ELP1: variants seen among roughly 807,000 people sequenced by gnomAD.
ELP1 encodes elongator complex protein 1.
Under a neutral mutation model 183.2 loss-of-function variants are expected in ELP1, and 131 were observed. The observed-to-expected ratio is 0.72, with a 90% CI of 0.62 to 0.83. ELP1 has a LOEUF of 0.83. Among genes scored for constraint, ELP1 ranks in the 40% least tolerant of loss-of-function variants. ELP1 has a pLI of 0.00. For missense variants in ELP1, 1,550 were observed against 1,594.9 expected, an observed-to-expected ratio of 0.97 and a Z score of 0.48; for synonymous variants, 555 against 569.0, an observed-to-expected ratio of 0.98 and a Z score of 0.35.
intron 6 of ELP1, among the ~76,000 whole-genome samples, chr9:108,920,358 C>T (rs141666387): frequency 6.6e-6 from 1 of 151,308 alleles, no homozygotes; most frequent in Non-Finnish European, 1.5e-5. Context: ...CTTGGCTCAC[C>T]GCAACCTCTG....
chr9:108,906,129 C>A (rs1158733028), intron 14 of ELP1, among the ~76,000 whole-genome samples, 174 bp downstream of exon 14: 1 of 152,166 alleles, frequency 6.6e-6, no homozygotes, highest in African/African-American at 2.4e-5. Flanking sequence ...TATTTTTGGT[C>A]TGTTATTTTG....
At chr9:108,927,878 C>T (rs1410308165) in intron 3 of ELP1, among the ~76,000 whole-genome samples, 2 of 151,954 alleles carry the variant, frequency 1.3e-5, no homozygotes, top group African/African-American at 4.8e-5. Flanking sequence ...AGGATGGTTA[C>T]CAGAGGCTGG....
chr9:108,901,424 C>A lies in ELP1; in HGVS notation c.2014+1G>T. The A allele has an allele frequency of 6.2e-7, 1 of 1,600,182 alleles. No individual in the cohort carries two copies. The highest frequency in any genetic ancestry group is 8.6e-7 in the Non-Finnish European group (1 of 1,167,294). Reference sequence around the variant, plus strand: ...TTCTGTTTTATACATTGAAAACTTACTTTTAAATGAAGCATCCCTCAGGCA... The same window carrying A: ...TTCTGTTTTATACATTGAAAACTTAATTTTAAATGAAGCATCCCTCAGGCA... On this transcript the variant is annotated splice_donor_variant, in intron 18 of 36. Transcript: ENST00000374647. LOFTEE classifies it high-confidence loss of function.
At chr9:108,874,105 T>A (rs1028307995) in intron 36 of ELP1, among the ~76,000 whole-genome samples, 1 of 152,168 alleles carries the variant, frequency 6.6e-6, no homozygotes, top group Non-Finnish European at 1.5e-5. Context: ...GCTATTACAG[T>A]GTAGCACTTC....
chr9:108,930,013 A>G lies in ELP1; in HGVS notation c.151-92T>C, dbSNP rs562858841. On this transcript the variant is annotated intron_variant, in intron 2 of 36. Coordinates refer to ENST00000374647, the MANE Select transcript of ELP1 (RefSeq NM_003640.5). Reference sequence around the variant, plus strand: ...AGAAATACTTTTTAATGCTTCTTTTATTACATAAAAGCTTTCAAAAATATT... The same window carrying G: ...AGAAATACTTTTTAATGCTTCTTTTGTTACATAAAAGCTTTCAAAAATATT... 31 of 1,407,254 alleles carry G rather than the reference A, an allele frequency of 2.2e-5. 1 individual carries two copies. In the South Asian group the frequency reaches 3.6e-4, roughly 16 times the overall value. The allele number at this position is 1,407,254 out of a possible 1,614,324, so 87.2% of individuals were successfully genotyped here. A position where few individuals can be genotyped will look rare whatever the true frequency, so the allele number is the denominator to read the frequency against.
intron 36 of ELP1, among the ~76,000 whole-genome samples, chr9:108,871,225 A>G (rs56094530): frequency 0.11 from 16,443 of 152,032 alleles, 1,045 homozygotes; most frequent in Middle Eastern, 0.13. Flanking sequence ...TCTATAGAGT[A>G]CTGTTTGTAA....
At position 108,868,717 on chromosome 9, in the gene ELP1, C is replaced by T; in HGVS notation, c.*398G>A. 3.8e-6 allele frequency: 2 copies of T among 523,372 alleles called. No homozygotes were observed. Among genetic ancestry groups the T allele is most frequent in the Non-Finnish European group, 6.7e-6 (2 of 298,722 alleles). 32.4% of individuals were successfully genotyped at this position (523,372 alleles called of 1,614,324 possible). A position where few individuals can be genotyped will look rare whatever the true frequency, so the allele number is the denominator to read the frequency against. ...AGTGATTACATTTGACCAAATGTAG[C>T]ACTAATAGCCATTGTAATCTTCTCC... On this transcript the variant is annotated 3_prime_UTR_variant, in exon 37 of 37. Coordinates refer to ENST00000374647, the MANE Select transcript of ELP1 (RefSeq NM_003640.5).
At chr9:108,882,102 C>A in intron 30 of ELP1, 23 bp downstream of exon 30, 1 of 1,606,210 alleles carries the variant, frequency 6.2e-7, no homozygotes, top group Non-Finnish European at 8.5e-7. Flanking sequence ...ACCCAACATC[C>A]AGAGGATTTA....
chr9:108,912,217 G>A (rs1829249268), intron 11 of ELP1, 47 bp downstream of exon 11: 2 of 1,430,624 alleles, frequency 1.4e-6, no homozygotes, highest in Admixed American at 3.4e-5. Flanking sequence ...CAGGCCCTAG[G>A]CTCAGGACCC....
intron 28 of ELP1, 51 bp from the exon 29 acceptor site, chr9:108,889,444 G>C (rs141267449): frequency 4.0e-6 from 6 of 1,495,724 alleles, no homozygotes; most frequent in Non-Finnish European, 5.6e-6. Context: ...AGATACTTTA[G>C]CTCAAGTGCT....
At chr9:108,932,547 G>A (rs1333319967) in intron 1 of ELP1, among the ~76,000 whole-genome samples, 1 of 152,036 alleles carries the variant, frequency 6.6e-6, no homozygotes, top group East Asian at 1.9e-4. Context: ...TCACCATGTT[G>A]GCCAGGCTGT....
At position 108,897,274 on chromosome 9, in the gene ELP1, A is replaced by T. The variant is rs748982820; in HGVS notation, c.2375T>A (p.Val792Asp). Residue 792 changes from valine (V) to aspartate (D), a missense_variant, in exon 23 of 37, where the codon GTC (valine) becomes GAC (aspartate). Coordinates refer to ENST00000374647, the MANE Select transcript of ELP1 (RefSeq NM_003640.5). The part of the protein sequence containing the change: ...LFFTELKEED[V>D]TKTMYPAPVT... ...TGGTGCAGGGTACATGGTCTTCGTG[A>T]CATCTTCTTCTCTAAGAACAGGTGT... 6.2e-7 allele frequency: 1 copy of T among 1,614,014 alleles called. No individual in the cohort carries two copies. Among genetic ancestry groups the T allele is most frequent in the Non-Finnish European group, 8.5e-7 (1 of 1,180,030 alleles).
At chr9:108,926,280 A>C (rs1374727228) in intron 5 of ELP1, among the ~76,000 whole-genome samples, 1 of 152,190 alleles carries the variant, frequency 6.6e-6, no homozygotes, top group African/African-American at 2.4e-5. Flanking sequence ...GCCCAGCCTA[A>C]GACTTTCCTA....
At chr9:108,889,689 C>T (rs561188818) in intron 28 of ELP1, 1 of 437,984 alleles carries the variant, frequency 2.3e-6, no homozygotes, top group East Asian at 4.7e-5. Flanking sequence ...CAGTAAGAGA[C>T]CACTATTTCT....
intron 31 of ELP1, among the ~76,000 whole-genome samples, chr9:108,881,350 G>C (rs912010304): frequency 1.3e-5 from 2 of 152,078 alleles, no homozygotes; most frequent in African/African-American, 2.4e-5. Context: ...TTTATCTCTT[G>C]AGAATAATAG....
chr9:108,914,568 G>C (rs1829361511), intron 10 of ELP1, among the ~76,000 whole-genome samples: 1 of 152,080 alleles, frequency 6.6e-6, no homozygotes, highest in African/African-American at 2.4e-5. Flanking sequence ...TTTAATGAAC[G>C]AGAATAAACG....
chr9:108,900,214 C>T (rs751807008), intron 19 of ELP1, 46 bp downstream of exon 19: 1 of 1,313,754 alleles, frequency 7.6e-7, no homozygotes, highest in Non-Finnish European at 1.1e-6. Context: ...TGGTACTTGG[C>T]TGAATGACAA....
intron 28 of ELP1, among the ~76,000 whole-genome samples, chr9:108,890,361 G>A (rs1828277117): frequency 6.6e-6 from 1 of 151,996 alleles, no homozygotes; most frequent in Non-Finnish European, 1.5e-5. Context: ...TGACAAAGAA[G>A]GACTGGTACA....
intron 9 of ELP1, 122 bp from the exon 10 acceptor site, chr9:108,916,419 T>C: frequency 3.8e-6 from 3 of 785,846 alleles, no homozygotes; most frequent in Non-Finnish European, 4.5e-6. Flanking sequence ...TCCCTAGCTG[T>C]AAATCACTAA....
Sources: gnomAD v4.1 joint callset for allele counts (sites outside exome capture counted in the v4.1 genomes callset) on GRCh38, gnomAD v4.1.1 for gene constraint, MANE v1.5 for transcripts, NCBI Gene and HGNC (gene_info 2026-07-23, HGNC 2026-07-21) for gene names.